Variants in SNTG1 observed in about 807,000 individuals in gnomAD.
The protein encoded by SNTG1 is gamma-1-syntrophin.
In SNTG1, 39 loss-of-function variants were observed where a neutral mutation model predicts 74.7. The ratio of observed to expected loss-of-function variants is 0.52; its 90% CI spans 0.40 to 0.68. SNTG1 has a LOEUF of 0.68. Ranked by LOEUF, SNTG1 falls within the 30% of genes least tolerant of loss-of-function variation. The pLI is 0.00. For synonymous variants in SNTG1, 254 were observed against 217.1 expected (o/e 1.17, Z -1.49); for missense variants, 685 against 609.5 (o/e 1.12, Z -1.30).
intron 2 of SNTG1, among the ~76,000 whole-genome samples, chr8:50,230,155 A>T (rs1378019706): frequency 6.6e-6 from 1 of 151,548 alleles, no homozygotes; most frequent in Non-Finnish European, 1.5e-5. Flanking sequence ...GTCAGCTTCC[A>T]ACTTAAAAAC....
chr8:49,935,842 T>A (rs994078194), intron 1 of SNTG1, among the ~76,000 whole-genome samples: 1 of 152,208 alleles, frequency 6.6e-6, no homozygotes, highest in Non-Finnish European at 1.5e-5. Flanking sequence ...CAAATTTGTA[T>A]CCTAACTTCA....
At chr8:50,719,092 A>G (rs977093394) in intron 17 of SNTG1, among the ~76,000 whole-genome samples, 4 of 152,240 alleles carry the variant, frequency 2.6e-5, no homozygotes, top group Admixed American at 1.3e-4. Flanking sequence ...AATACAAATT[A>G]TTAGTGTGAT....
chr8:50,792,831 A>C lies in SNTG1; in HGVS notation c.*2A>C. 6.2e-7 allele frequency: 1 copy of C among 1,610,962 alleles called. No homozygotes were observed. The highest frequency in any genetic ancestry group is 8.5e-7 in the Non-Finnish European group (1 of 1,178,148). On this transcript the variant is annotated 3_prime_UTR_variant, in exon 19 of 19. Coordinates refer to ENST00000642720, the MANE Select transcript of SNTG1 (RefSeq NM_018967.5). ...AGCAAAGCAAAGTATACAACTTGACATACTGAACTCTTCATTGACACACCC... is the reference window on the plus strand; with the variant it reads ...AGCAAAGCAAAGTATACAACTTGACCTACTGAACTCTTCATTGACACACCC...
chr8:50,796,400 T>C lies in SNTG1; in HGVS notation c.*3571T>C, dbSNP rs1444085685. The C allele has an allele frequency of 6.6e-6, 1 of 151,988 alleles. No individual in the cohort carries two copies. The highest frequency in any genetic ancestry group is 6.6e-5 in the Admixed American group (1 of 15,242). The allele number at this position is 151,988 out of a possible 1,614,324, so 9.4% of individuals were successfully genotyped here. ...ATTGTTTATTCTTACTACCGAATAC[T>C]TTAAAATCATAATGCCACTTATTTG... is the stretch of plus-strand genomic sequence containing the variant. On this transcript the variant is annotated 3_prime_UTR_variant, in exon 19 of 19. Coordinates refer to ENST00000642720, the MANE Select transcript of SNTG1 (RefSeq NM_018967.5).
intron 2 of SNTG1, among the ~76,000 whole-genome samples, chr8:50,377,993 T>C (rs1415551452): frequency 6.6e-6 from 1 of 152,246 alleles, no homozygotes; most frequent in Non-Finnish European, 1.5e-5. Context: ...GGTGGCACCT[T>C]TGCCCGAGTT....
chr8:50,126,411 G>A (rs917444012), intron 1 of SNTG1, among the ~76,000 whole-genome samples: 2 of 151,986 alleles, frequency 1.3e-5, no homozygotes, highest in Admixed American at 1.3e-4. Flanking sequence ...ATGTTTTATT[G>A]TAATGTACAT....
chr8:50,366,813 A>G (rs954746198), intron 2 of SNTG1, among the ~76,000 whole-genome samples: 31 of 146,232 alleles, frequency 2.1e-4, no homozygotes, highest in African/African-American at 7.7e-4. Context: ...AAAATATATT[A>G]TATATAATAT....
chr8:49,961,102 C>T (rs777458564), intron 1 of SNTG1, among the ~76,000 whole-genome samples: 57 of 152,194 alleles, frequency 3.7e-4, no homozygotes, highest in Non-Finnish European at 7.5e-4. Flanking sequence ...AGTGGATCTA[C>T]AGGTTTAGCT....
intron 2 of SNTG1, among the ~76,000 whole-genome samples, chr8:50,321,958 G>C (rs11785518): frequency 0.47 from 71,992 of 151,926 alleles, 19,459 homozygotes; most frequent in East Asian, 0.83. Flanking sequence ...TTCTACTTAA[G>C]AGTAGTTTAT....
At chr8:50,583,648 G>A (rs2094626907) in intron 12 of SNTG1, among the ~76,000 whole-genome samples, 1 of 151,314 alleles carries the variant, frequency 6.6e-6, no homozygotes, top group African/African-American at 2.4e-5. Context: ...TTTGCTGGAA[G>A]TCTCTATAAA....
At chr8:50,579,623 G>A (rs748844506) in intron 12 of SNTG1, among the ~76,000 whole-genome samples, 7 of 152,128 alleles carry the variant, frequency 4.6e-5, no homozygotes, top group Non-Finnish European at 1.0e-4. Flanking sequence ...TCTGGCTATG[G>A]CTAAAAAGGC....
intron 8 of SNTG1, among the ~76,000 whole-genome samples, chr8:50,473,116 G>A (rs533799416): frequency 6.6e-6 from 1 of 152,306 alleles, no homozygotes; most frequent in Admixed American, 6.5e-5. Flanking sequence ...TTCCCCAAGT[G>A]TCAAGGGAGA....
intron 9 of SNTG1, among the ~76,000 whole-genome samples, chr8:50,520,703 A>C (rs1010657755): frequency 6.6e-6 from 1 of 152,232 alleles, no homozygotes; most frequent in Non-Finnish European, 1.5e-5. Context: ...AGAGAAATGC[A>C]AAACAAAATC....
chr8:50,536,143 T>A (rs986479672), intron 10 of SNTG1, among the ~76,000 whole-genome samples: 8 of 152,296 alleles, frequency 5.3e-5, no homozygotes, highest in Admixed American at 3.3e-4. Flanking sequence ...TTTATGAACA[T>A]GAAGTTAGAA....
At chr8:50,722,462 C>T (rs970362445) in intron 17 of SNTG1, among the ~76,000 whole-genome samples, 1 of 152,074 alleles carries the variant, frequency 6.6e-6, no homozygotes, top group Admixed American at 6.6e-5. Context: ...AGGCGTGAAC[C>T]ACCACACCTG....
intron 2 of SNTG1, among the ~76,000 whole-genome samples, chr8:50,328,587 G>A (rs573092244): frequency 7.2e-5 from 11 of 152,252 alleles, no homozygotes; most frequent in African/African-American, 2.4e-4. Context: ...CAGATCTCAT[G>A]AGAATTCACT....
At chr8:50,792,372 A>T (rs147424504) in intron 18 of SNTG1, among the ~76,000 whole-genome samples, 227 of 152,052 alleles carry the variant, frequency 1.5e-3, no homozygotes, top group African/African-American at 5.0e-3. Context: ...CTTTAATTGT[A>T]CATTATCAAG....
intron 9 of SNTG1, among the ~76,000 whole-genome samples, chr8:50,523,188 G>C (rs2094194144): frequency 6.6e-6 from 1 of 152,024 alleles, no homozygotes; most frequent in Non-Finnish European, 1.5e-5. Flanking sequence ...ATTAAGATTT[G>C]GCTTAAGGGA....
At chr8:50,464,389 G>A (rs1452465732) in intron 8 of SNTG1, among the ~76,000 whole-genome samples, 1 of 152,042 alleles carries the variant, frequency 6.6e-6, no homozygotes, top group Non-Finnish European at 1.5e-5. Flanking sequence ...TGAGAGGTGT[G>A]GGAATTTTCC....
Sources: allele counts gnomAD v4.1 joint callset (sites outside exome capture counted in the v4.1 genomes callset), GRCh38; gene constraint gnomAD v4.1.1; transcripts MANE v1.5; gene names NCBI Gene and HGNC (gene_info 2026-07-23, HGNC 2026-07-21).